Variants in ARL15 observed in about 807,000 individuals in gnomAD.
ARL15 encodes ADP-ribosylation factor-like protein 15.
ARL15 carries 19 observed loss-of-function variants against 25.2 expected under a neutral mutation model. The observed-to-expected ratio is 0.75, with a 90% CI of 0.53 to 1.10. The LOEUF (loss-of-function observed/expected upper bound fraction) is 1.10, where lower values mean the gene tolerates loss of function less well. Among genes scored for constraint, ARL15 ranks in the 50% least tolerant of loss-of-function variants. The pLI, the probability that ARL15 is intolerant of heterozygous loss-of-function variation, is 0.00. For missense variants in ARL15, 220 were observed against 246.0 expected (o/e 0.89, Z 0.71); for synonymous variants, 94 against 86.8 (o/e 1.08, Z -0.46).
chr5:54,010,483 T>C (rs923431498), intron 4 of ARL15, among the ~76,000 whole-genome samples: 1 of 152,178 alleles, frequency 6.6e-6, no homozygotes, highest in Non-Finnish European at 1.5e-5. Context: ...GCCTAGTAGA[T>C]ATCACCTCAT....
intron 4 of ARL15, among the ~76,000 whole-genome samples, chr5:53,918,588 G>A (rs1745734172): frequency 6.6e-6 from 1 of 152,006 alleles, no homozygotes; most frequent in South Asian, 2.1e-4. Context: ...TTTAGATCTG[G>A]GGGGTCATGC....
intron 4 of ARL15, among the ~76,000 whole-genome samples, chr5:54,010,193 T>C (rs1693867884): frequency 6.6e-6 from 1 of 152,210 alleles, no homozygotes; most frequent in Non-Finnish European, 1.5e-5. Context: ...AATCTGCTCC[T>C]TGAACAGGAG....
intron 1 of ARL15, among the ~76,000 whole-genome samples, chr5:54,289,051 C>T (rs547936991): frequency 5.3e-4 from 80 of 152,278 alleles, no homozygotes; most frequent in African/African-American, 1.8e-3. Flanking sequence ...AAGAACTCAG[C>T]CCAGGCATTG....
intron 1 of ARL15, among the ~76,000 whole-genome samples, chr5:54,263,926 A>G (rs1229268015): frequency 2.0e-5 from 3 of 151,908 alleles, no homozygotes; most frequent in Non-Finnish European, 2.9e-5. Flanking sequence ...CCATCCACTC[A>G]TTTCTTCTGA....
Position 53,991,171 on chromosome 5 carries a change from AT to A in ARL15, c.463-104459del, listed in dbSNP as rs113753448. ...CTGTTATACTTGGTAGGGAATATAG[AT>A]TCTATTAGATCTAAACAGAATGAAA... is the stretch of plus-strand genomic sequence containing the variant. On this transcript the variant is annotated intron_variant, in intron 4 of 4. Coordinates refer to ENST00000504924, the MANE Select transcript of ARL15 (RefSeq NM_019087.3). Among the ~76,000 whole-genome samples the A allele has an allele frequency of 3.0e-3, 460 of 152,268 alleles. 2 individuals are homozygous for A. Among genetic ancestry groups the A allele is most frequent in the African/African-American group, 0.011 (445 of 41,546 alleles).
intron 4 of ARL15, among the ~76,000 whole-genome samples, chr5:54,035,528 T>C (rs1750141788): frequency 6.6e-6 from 1 of 152,222 alleles, no homozygotes; most frequent in South Asian, 2.1e-4. Flanking sequence ...AACATAACTC[T>C]TTTGAAGAGT....
chr5:54,211,760 C>A (rs1387628336), intron 1 of ARL15, among the ~76,000 whole-genome samples: 2 of 152,058 alleles, frequency 1.3e-5, no homozygotes, highest in African/African-American at 4.8e-5. Flanking sequence ...GCACGAGCCA[C>A]CGTGACCGGC....
intron 3 of ARL15, among the ~76,000 whole-genome samples, chr5:54,128,216 T>A (rs151005612): frequency 1.1e-3 from 164 of 152,318 alleles, no homozygotes; most frequent in African/African-American, 3.7e-3. Flanking sequence ...TTAATTTTAT[T>A]TTTTATAAGA....
At chr5:54,221,101 T>C (rs1375154675) in intron 1 of ARL15, among the ~76,000 whole-genome samples, 2 of 152,224 alleles carry the variant, frequency 1.3e-5, no homozygotes, top group Non-Finnish European at 2.9e-5. Context: ...CTTCAATCTG[T>C]ATCACAGTTT....
chr5:53,974,272 G>C (rs1476107540), intron 4 of ARL15, among the ~76,000 whole-genome samples: 2 of 152,234 alleles, frequency 1.3e-5, no homozygotes, highest in Non-Finnish European at 2.9e-5. Context: ...CTAAGTGGTT[G>C]TAAGTGCCTG....
intron 1 of ARL15, among the ~76,000 whole-genome samples, chr5:54,198,007 A>C (rs1017616703): frequency 6.6e-6 from 1 of 151,858 alleles, no homozygotes; most frequent in African/African-American, 2.4e-5. Flanking sequence ...AAATCAATAA[A>C]TGTAATCCAG....
chr5:54,277,684 A>G (rs983799605), intron 1 of ARL15, among the ~76,000 whole-genome samples: 23 of 152,240 alleles, frequency 1.5e-4, no homozygotes, highest in Admixed American at 4.6e-4. Flanking sequence ...CCCGGGAGGC[A>G]GAGCTTGCAG....
chr5:54,028,520 A>AC (rs1749861463), intron 4 of ARL15, among the ~76,000 whole-genome samples: 1 of 152,016 alleles, frequency 6.6e-6, no homozygotes, highest in East Asian at 1.9e-4. Flanking sequence ...TTAAAAAAAA[A>AC]AAAAAACCAC....
At chr5:53,966,333 C>T (rs925285597) in intron 4 of ARL15, among the ~76,000 whole-genome samples, 4 of 152,142 alleles carry the variant, frequency 2.6e-5, no homozygotes, top group South Asian at 2.1e-4. Flanking sequence ...TGAGACTCCA[C>T]GCCCCTTCCC....
chr5:53,971,786 A>C (rs1747760070), intron 4 of ARL15, among the ~76,000 whole-genome samples: 1 of 152,212 alleles, frequency 6.6e-6, no homozygotes, highest in African/African-American at 2.4e-5. Context: ...TGGTAACTGA[A>C]TTCTTGCTGA....
Position 54,179,521 on chromosome 5 carries a change from T to C in ARL15, c.49-7593A>G, listed in dbSNP as rs187216749. ...CAGGCAAAAGGGACCTGCAGCTCTCTTGGAGTTAGAGAAGTTGGGTGAGAA... is the reference window on the plus strand; with the variant it reads ...CAGGCAAAAGGGACCTGCAGCTCTCCTGGAGTTAGAGAAGTTGGGTGAGAA... On this transcript the variant is annotated intron_variant, in intron 1 of 4. Transcript: ENST00000504924. Among the ~76,000 whole-genome samples the C allele has an allele frequency of 4.0e-3, 606 of 152,248 alleles. 4 individuals carry two copies. The highest frequency in any genetic ancestry group is 0.014 in the African/African-American group (561 of 41,544).
chr5:53,912,589 TCCA>T (rs1242255673), intron 4 of ARL15, among the ~76,000 whole-genome samples: 2 of 152,176 alleles, frequency 1.3e-5, no homozygotes, highest in Non-Finnish European at 2.9e-5. Flanking sequence ...TTTATATTTC[TCCA>T]CCATAATCTT....
chr5:54,050,098 T>A (rs534009175), intron 4 of ARL15, among the ~76,000 whole-genome samples: 73 of 152,164 alleles, frequency 4.8e-4, no homozygotes, highest in Non-Finnish European at 9.0e-4. Context: ...TGCCTTCAAC[T>A]ATGTGACAAC....
chr5:53,925,774 C>T (rs1350069850), intron 4 of ARL15, among the ~76,000 whole-genome samples: 2 of 152,032 alleles, frequency 1.3e-5, no homozygotes, highest in Non-Finnish European at 2.9e-5. Context: ...CACCACTGCA[C>T]TCCAGTCTGG....
Sources: allele counts gnomAD v4.1 joint callset (sites outside exome capture counted in the v4.1 genomes callset), GRCh38; gene constraint gnomAD v4.1.1; transcripts MANE v1.5; gene names NCBI Gene and HGNC (gene_info 2026-07-23, HGNC 2026-07-21).